Variants in TIPIN observed in about 807,000 individuals in gnomAD.
The protein encoded by TIPIN is TIMELESS-interacting protein.
In TIPIN, 29 loss-of-function variants were observed where a neutral mutation model predicts 35.6. The ratio of observed to expected loss-of-function variants is 0.82; its 90% confidence interval spans 0.61 to 1.11. The LOEUF is 1.11. Ranked by LOEUF, TIPIN falls within the 50% of genes most tolerant of loss-of-function variation. TIPIN has a pLI of 0.00. For synonymous variants in TIPIN, 102 were observed against 121.5 expected (o/e 0.84, Z 1.06); for missense variants, 296 against 345.4 (o/e 0.86, Z 1.13).
intron 1 of TIPIN, among the ~76,000 whole-genome samples, chr15:66,381,198 G>A (rs2093317265): frequency 6.6e-6 from 1 of 152,172 alleles, no homozygotes; most frequent in Non-Finnish European, 1.5e-5. Context: ...CACTTTGGGA[G>A]GCTGAGGTGG....
intron 1 of TIPIN, among the ~76,000 whole-genome samples, chr15:66,373,065 G>T (rs2093283258): frequency 6.6e-6 from 1 of 152,198 alleles, no homozygotes; most frequent in South Asian, 2.1e-4. Context: ...TAGCCTAGGT[G>T]TGTAGTAGGT....
chr15:66,360,172 C>T (rs2093224865), upstream of TIPIN, among the ~76,000 whole-genome samples: 1 of 152,130 alleles, frequency 6.6e-6, no homozygotes, highest in Non-Finnish European at 1.5e-5. Context: ...AGGAGGATTA[C>T]TTGAGCCCAG....
intron 1 of TIPIN, among the ~76,000 whole-genome samples, chr15:66,384,420 G>C (rs1220455281): frequency 6.6e-6 from 1 of 151,944 alleles, no homozygotes; most frequent in African/African-American, 2.4e-5. Context: ...TCAGCCTCCT[G>C]AGTAGCTGGG....
chr15:66,341,386 G>A (rs2093085601), intron 6 of TIPIN, 30 bp from the exon 7 acceptor site: 11 of 1,576,286 alleles, frequency 7.0e-6, no homozygotes, highest in Non-Finnish European at 7.8e-6. Flanking sequence ...GTACATCTGT[G>A]GTGTTAGACT....
intron 6 of TIPIN, among the ~76,000 whole-genome samples, chr15:66,343,360 T>C (rs937958938): frequency 2.6e-5 from 4 of 152,192 alleles, no homozygotes; most frequent in African/African-American, 7.2e-5. Flanking sequence ...AAGTCACCAT[T>C]TGAAATATTT....
At chr15:66,351,781 A>T (rs370575206) in intron 3 of TIPIN, among the ~76,000 whole-genome samples, 181 bp from the exon 4 acceptor site, 7 of 152,028 alleles carry the variant, frequency 4.6e-5, no homozygotes, top group Admixed American at 2.0e-4. Flanking sequence ...CTGGGACTAC[A>T]GGCACCCACC....
intron 1 of TIPIN, among the ~76,000 whole-genome samples, chr15:66,365,361 C>T (rs533394398): frequency 6.6e-6 from 1 of 152,270 alleles, no homozygotes; most frequent in South Asian, 2.1e-4. Flanking sequence ...GGACAGTTTA[C>T]AAATGCCATG....
chr15:66,382,132 T>G (rs1184259866), intron 1 of TIPIN, among the ~76,000 whole-genome samples: 2 of 152,232 alleles, frequency 1.3e-5, no homozygotes, highest in Non-Finnish European at 2.9e-5. Context: ...ACCATTTATT[T>G]AGCTCCTGTA....
rs1349455443 is a variant in TIPIN at position 66,352,966 on chromosome 15, A to T, written c.-8-11T>A. On this transcript the variant is annotated splice_polypyrimidine_tract_variant and intron_variant, in intron 1 of 7. Coordinates refer to ENST00000261881, the MANE Select transcript of TIPIN (RefSeq NM_017858.3). ...CTAGCATCTTTTCCTCTAGGGGAAA[A>T]AATTAAAGTTATTTGTATTCATCCA... 6.8e-6 allele frequency: 11 copies of T among 1,608,332 alleles called. No homozygotes were observed. The African/African-American group carries it at 1.5e-4, about 22-fold the overall frequency.
chr15:66,350,605 C>CA (rs1372934512), intron 4 of TIPIN, among the ~76,000 whole-genome samples: 4 of 133,344 alleles, frequency 3.0e-5, no homozygotes, highest in African/African-American at 8.3e-5. Context: ...AACTTCATCT[C>CA]AAAAAAACAA....
intron 6 of TIPIN, among the ~76,000 whole-genome samples, chr15:66,344,843 G>A (rs2093113299): frequency 6.6e-6 from 1 of 152,094 alleles, no homozygotes; most frequent in Admixed American, 6.6e-5. Flanking sequence ...CTCCACCCTG[G>A]GCAACAGAGT....
At chr15:66,359,275 TTA>T (rs2093221159), upstream of TIPIN, among the ~76,000 whole-genome samples, 1 of 152,160 alleles carries the variant, frequency 6.6e-6, no homozygotes, top group African/African-American at 2.4e-5. Context: ...TTCCTTTATT[TTA>T]TGATTTTATT....
intron 6 of TIPIN, 38 bp downstream of exon 6, chr15:66,349,022 G>T: frequency 6.4e-7 from 1 of 1,556,104 alleles, no homozygotes; most frequent in Non-Finnish European, 8.8e-7. Context: ...ATTTCTAAAA[G>T]CAAAATTGTT....
At chr15:66,339,150 A>G (rs1186329920) in intron 7 of TIPIN, among the ~76,000 whole-genome samples, 8 of 54,400 alleles carry the variant, frequency 1.5e-4, no homozygotes, top group African/African-American at 5.3e-4. Context: ...AAAAAAAAAA[A>G]AAAAAAAGCA....
intron 1 of TIPIN, among the ~76,000 whole-genome samples, chr15:66,364,234 C>T (rs1181402855): frequency 2.1e-5 from 3 of 140,182 alleles, no homozygotes; most frequent in Admixed American, 7.6e-5. Context: ...AATGCGATCT[C>T]GACTCACTGC....
intron 1 of TIPIN, chr15:66,371,183 G>T: frequency 1.0e-6 from 1 of 959,122 alleles, no homozygotes; most frequent in Non-Finnish European, 1.2e-6. Flanking sequence ...TGCACTGCAG[G>T]CTGGGCAACA....
chr15:66,343,359 T>C (rs2140446102), intron 6 of TIPIN, among the ~76,000 whole-genome samples: 1 of 152,326 alleles, frequency 6.6e-6, no homozygotes, highest in African/African-American at 2.4e-5. Flanking sequence ...CAAGTCACCA[T>C]TTGAAATATT....
Position 66,363,511 on chromosome 15 carries a change from C to T in TIPIN, c.-8-10556G>A, listed in dbSNP as rs575504775. Among the ~76,000 whole-genome samples the T allele has an allele frequency of 7.9e-5, 12 of 151,062 alleles. No homozygotes were observed. The East Asian group carries it at 1.4e-3, about 17-fold the overall frequency. On this transcript the variant is annotated intron_variant, in intron 1 of 7. Coordinates refer to the TIPIN transcript ENST00000562124. The stretch of plus-strand genomic sequence containing the variant: ...TAAAAAATTAGCTGGGCGTGGTGGC[C>T]GGCACCTGTAGTCCCAGCTACTCAG...
rs77256183 is a variant in TIPIN at position 66,349,072 on chromosome 15, C to T, written c.463G>A (p.Val155Ile). The stretch of plus-strand genomic sequence containing the variant: ...CCTATATTCTTACCATTATTGCTAA[C>T]AAAATCTTCATGTAAAATAGGGAGA... Reference protein sequence around the residue: ...LDLPILHEDFVSNNDEVAENN... With the variant: ...LDLPILHEDFISNNDEVAENN... Residue 155 changes from valine (V) to isoleucine (I), a missense_variant, in exon 6 of 8, where the codon GTT becomes ATT. Val to Ile is a conservative substitution (Grantham distance 29, BLOSUM62 3). Coordinates refer to ENST00000261881, the MANE Select transcript of TIPIN (RefSeq NM_017858.3). 13 of 1,609,638 alleles carry T rather than the reference C, an allele frequency of 8.1e-6. No individual in the cohort carries two copies. Among genetic ancestry groups the T allele is most frequent in the Non-Finnish European group, 1.1e-5 (13 of 1,177,930 alleles).
Sources: allele counts gnomAD v4.1 joint callset (sites outside exome capture counted in the v4.1 genomes callset), GRCh38; gene constraint gnomAD v4.1.1; transcripts MANE v1.5; gene names NCBI Gene and HGNC (gene_info 2026-07-23, HGNC 2026-07-21).